The following CDH1 variants were observed in gnomAD, a reference collection of about 807,000 sequenced individuals.
CDH1 encodes cadherin-1.
Under a neutral mutation model 84.5 loss-of-function variants are expected in CDH1, and 35 were observed. That is an observed-to-expected ratio of 0.41 (90% CI 0.32 to 0.55). The LOEUF is 0.55. Among genes scored for constraint, CDH1 ranks in the 20% least tolerant of loss-of-function variants. CDH1 has a pLI of 0.19. For synonymous variants in CDH1, 417 were observed against 439.0 expected, an observed-to-expected ratio of 0.95 and a Z score of 0.63; for missense variants, 994 against 1,126.6, an observed-to-expected ratio of 0.88 and a Z score of 1.68.
At chr16:68,805,665 G>T (rs940192928) in intron 3 of CDH1, among the ~76,000 whole-genome samples, 6 of 152,198 alleles carry the variant, frequency 3.9e-5, no homozygotes, top group Non-Finnish European at 5.9e-5. Flanking sequence ...CACAATCTCA[G>T]CTCACTGCAA....
At chr16:68,797,003 G>T (rs1017647000) in intron 2 of CDH1, among the ~76,000 whole-genome samples, 2 of 152,092 alleles carry the variant, frequency 1.3e-5, no homozygotes, top group South Asian at 4.2e-4. Flanking sequence ...ATTTTTTGCT[G>T]AAATACAAAA....
At chr16:68,805,645 A>G (rs1254419228) in intron 3 of CDH1, among the ~76,000 whole-genome samples, 1 of 152,194 alleles carries the variant, frequency 6.6e-6, no homozygotes, top group Non-Finnish European at 1.5e-5. Context: ...CCCAGGCTAG[A>G]GTGCAATGGC....
intron 2 of CDH1, among the ~76,000 whole-genome samples, chr16:68,769,548 A>G (rs1300557712): frequency 6.6e-6 from 1 of 151,494 alleles, no homozygotes; most frequent in Non-Finnish European, 1.5e-5. Flanking sequence ...GGATCAAGAG[A>G]TCCTCCCGCT....
At chr16:68,777,104 C>G (rs770134608) in intron 2 of CDH1, among the ~76,000 whole-genome samples, 1 of 152,200 alleles carries the variant, frequency 6.6e-6, no homozygotes, top group Admixed American at 6.5e-5. Context: ...AGAGAGAAAG[C>G]CACAGTCCCC....
intron 1 of CDH1, among the ~76,000 whole-genome samples, chr16:68,738,032 GAGAA>G (rs1427436273): frequency 5.3e-5 from 8 of 152,214 alleles, no homozygotes; most frequent in Non-Finnish European, 1.0e-4. Flanking sequence ...CCAATAAAAT[GAGAA>G]AGGAGACTGA....
At chr16:68,808,097 AG>A (rs1960714183) in intron 3 of CDH1, among the ~76,000 whole-genome samples, 1 of 152,212 alleles carries the variant, frequency 6.6e-6, no homozygotes, top group Non-Finnish European at 1.5e-5. Context: ...GAGATTATGT[AG>A]GCTTGAAACA....
chr16:68,808,641 C>A (rs2152129965), intron 4 of CDH1, 52 bp from the exon 5 acceptor site: 1 of 1,612,628 alleles, frequency 6.2e-7, no homozygotes, highest in East Asian at 2.2e-5. Context: ...GGGAAAAGAC[C>A]CAGTGTTGGG....
chr16:68,833,708 C>CT lies in CDH1; in HGVS notation c.*221dup, dbSNP rs145920869. The CT allele has an allele frequency of 0.17, 86,165 of 503,532 alleles. 2,676 individuals carry two copies. Among genetic ancestry groups the CT allele is most frequent in the African/African-American group, 0.2 (10,053 of 50,442 alleles). The allele number at this position is 503,532 out of a possible 1,614,324, so 31.2% of individuals were successfully genotyped here. ...AAAAGTTTCGACTTATTTCTTAAAG[C>CT]TTTTTTTTTTTTCCCATCACTCTTT... On this transcript the variant is annotated 3_prime_UTR_variant, in exon 16 of 16. Transcript: ENST00000261769.
intron 2 of CDH1, among the ~76,000 whole-genome samples, chr16:68,783,119 G>A (rs1268163471): frequency 6.6e-6 from 1 of 152,000 alleles, no homozygotes; most frequent in African/African-American, 2.4e-5. Context: ...AAAAAGGGCC[G>A]GGAGTGGTGG....
intron 2 of CDH1, among the ~76,000 whole-genome samples, chr16:68,786,060 T>G (rs1960036957): frequency 6.6e-6 from 1 of 152,208 alleles, no homozygotes; most frequent in Non-Finnish European, 1.5e-5. Context: ...CACAGCATCT[T>G]GTGAGTGACC....
rs146046879 is a variant in CDH1, at chr16:68,823,237, C to CA, written c.1937-144dup. On this transcript the variant is annotated intron_variant, in intron 12 of 15. Transcript: ENST00000261769. ...CAAATGGAAATAAAGCTTTTTACAG[C>CA]AAAAAAAAAAAAAAAAAAGTACATA... 0.038 allele frequency: 20,112 copies of CA among 525,250 alleles called. 407 individuals carry two copies. The highest frequency in any genetic ancestry group is 0.16 in the African/African-American group (6,246 of 39,724). The allele number at this position is 525,250 out of a possible 1,614,324, so 32.5% of individuals were successfully genotyped here.
intron 5 of CDH1, among the ~76,000 whole-genome samples, chr16:68,809,286 C>T (rs974868419): frequency 1.3e-5 from 2 of 149,276 alleles, no homozygotes; most frequent in Non-Finnish European, 3.0e-5. Context: ...ACCACAACCT[C>T]CACTTCCCGG....
intron 2 of CDH1, among the ~76,000 whole-genome samples, chr16:68,773,123 G>A (rs1959626971): frequency 6.6e-6 from 1 of 152,148 alleles, no homozygotes; most frequent in Non-Finnish European, 1.5e-5. Context: ...AACACCAGGT[G>A]TGGATGGGTG....
intron 2 of CDH1, among the ~76,000 whole-genome samples, chr16:68,793,841 G>T (rs1960278734): frequency 6.7e-6 from 1 of 149,528 alleles, no homozygotes; most frequent in South Asian, 2.1e-4. Context: ...TGAGGCAGCA[G>T]AATCCCTTGA....
chr16:68,817,495 A>T (rs1961014449), intron 10 of CDH1, among the ~76,000 whole-genome samples: 1 of 152,238 alleles, frequency 6.6e-6, no homozygotes, highest in Non-Finnish European at 1.5e-5. Context: ...CCTGCAGATT[A>T]TAGGTTAATC....
chr16:68,754,906 A>C (rs145914024), intron 2 of CDH1, among the ~76,000 whole-genome samples: 25 of 152,234 alleles, frequency 1.6e-4, no homozygotes, highest in Non-Finnish European at 2.4e-4. Flanking sequence ...AAAACTATGC[A>C]TTGGGGTGGA....
intron 2 of CDH1, among the ~76,000 whole-genome samples, chr16:68,755,544 C>T (rs887965270): frequency 5.3e-5 from 8 of 151,972 alleles, no homozygotes; most frequent in Admixed American, 2.6e-4. Context: ...CCATGCCCGG[C>T]CAGGCCAGGC....
intron 2 of CDH1, among the ~76,000 whole-genome samples, chr16:68,785,846 T>C (rs1452855965): frequency 6.6e-6 from 1 of 152,238 alleles, no homozygotes; most frequent in East Asian, 1.9e-4. Context: ...CATGTTTTGC[T>C]AGCACAAACA....
At chr16:68,777,077 A>C (rs1959753367) in intron 2 of CDH1, among the ~76,000 whole-genome samples, 1 of 152,170 alleles carries the variant, frequency 6.6e-6, no homozygotes, top group Non-Finnish European at 1.5e-5. Context: ...TAAGCCTCAT[A>C]TCATGAACTG....
Sources: allele counts gnomAD v4.1 joint callset (sites outside exome capture counted in the v4.1 genomes callset), GRCh38; gene constraint gnomAD v4.1.1; transcripts MANE v1.5; gene names NCBI Gene and HGNC (gene_info 2026-07-23, HGNC 2026-07-21).